The following YAF2 variants were observed in gnomAD, a reference collection of about 807,000 sequenced individuals.
YAF2 encodes the protein YY1-associated factor 2.
Under a neutral mutation model 20.1 loss-of-function variants are expected in YAF2, and 7 were observed. The ratio of observed to expected loss-of-function variants is 0.35; its 90% CI spans 0.20 to 0.65. The LOEUF (loss-of-function observed/expected upper bound fraction) is 0.65, where lower values mean the gene tolerates loss of function less well. YAF2 is among the 30% of genes least tolerant of loss of function. The pLI is 0.69. For synonymous variants in YAF2, 74 were observed against 76.0 expected, an observed-to-expected ratio of 0.97 and a Z score of 0.14; for missense variants, 151 against 219.2, an observed-to-expected ratio of 0.69 and a Z score of 1.96.
intron 2 of YAF2, among the ~76,000 whole-genome samples, chr12:42,179,524 C>A (rs1196443296): frequency 6.6e-6 from 1 of 152,134 alleles, no homozygotes; most frequent in Non-Finnish European, 1.5e-5. Context: ...CACATCAAAT[C>A]TGAAGGTCTA....
At chr12:42,161,319 T>C (rs1243725989) in intron 3 of YAF2, 2 of 277,988 alleles carry the variant, frequency 7.2e-6, no homozygotes, top group Non-Finnish European at 1.3e-5. Flanking sequence ...AAACCACTCC[T>C]GGTTCAAATA....
chr12:42,160,573 T>C lies in YAF2; in HGVS notation c.*16A>G, dbSNP rs1565591771. 3 of 1,595,386 alleles carry C rather than the reference T, an allele frequency of 1.9e-6. No homozygotes were observed. Among genetic ancestry groups the C allele is most frequent in the Non-Finnish European group, 1.7e-6 (2 of 1,164,658 alleles). Reference sequence around the variant, plus strand: ...TGGTAGGACAGAAGTGACTAAGAAATTGGAGAAAATAAACTTTAATGAGAT... The same window carrying C: ...TGGTAGGACAGAAGTGACTAAGAAACTGGAGAAAATAAACTTTAATGAGAT... On this transcript the variant is annotated 3_prime_UTR_variant, in exon 4 of 4. Coordinates refer to ENST00000534854, the MANE Select transcript of YAF2 (RefSeq NM_005748.6).
At chr12:42,210,322 A>T in intron 2 of YAF2, 1 of 1,440,006 alleles carries the variant, frequency 6.9e-7, no homozygotes, top group African/African-American at 1.4e-5. Context: ...GGGGGAAAAA[A>T]AATCTCAGGT....
At position 42,160,342 on chromosome 12, in the gene YAF2, A is replaced by G; in HGVS notation, c.*247T>C. 6.7e-6 allele frequency: 3 copies of G among 450,494 alleles called. No individual in the cohort carries two copies. The highest frequency in any genetic ancestry group is 3.2e-5 in the South Asian group (1 of 30,870). The allele number at this position is 450,494 out of a possible 1,614,324, so 27.9% of individuals were successfully genotyped here. A position where few individuals can be genotyped will look rare whatever the true frequency, so the allele number is the denominator to read the frequency against. ...AAAATACACTTACCAATAACACTGC[A>G]TAATGAATAATTCAACCACATTTTC... On this transcript the variant is annotated 3_prime_UTR_variant, in exon 4 of 4. Coordinates refer to ENST00000534854, the MANE Select transcript of YAF2 (RefSeq NM_005748.6).
At chr12:42,186,165 G>A (rs1377143694) in intron 2 of YAF2, among the ~76,000 whole-genome samples, 1 of 144,766 alleles carries the variant, frequency 6.9e-6, no homozygotes, top group African/African-American at 2.6e-5. Flanking sequence ...ACTCCAGCCT[G>A]GGCACCAGAG....
intron 2 of YAF2, among the ~76,000 whole-genome samples, chr12:42,214,428 T>C (rs545963723): frequency 6.6e-6 from 1 of 152,192 alleles, no homozygotes; most frequent in South Asian, 2.1e-4. Context: ...CATGCTACCA[T>C]GCCCGGCTAA....
intron 2 of YAF2, among the ~76,000 whole-genome samples, chr12:42,197,510 C>T (rs528183698): frequency 2.3e-4 from 35 of 152,286 alleles, no homozygotes; most frequent in African/African-American, 6.7e-4. Context: ...AACAGCTAAA[C>T]GCTGCACTAA....
intron 2 of YAF2, among the ~76,000 whole-genome samples, chr12:42,179,205 C>T (rs1178174285): frequency 6.6e-6 from 1 of 152,184 alleles, no homozygotes; most frequent in East Asian, 1.9e-4. Flanking sequence ...TGCATTGGCT[C>T]ACACCTGTAA....
chr12:42,197,087 G>A (rs1029408593), intron 2 of YAF2, among the ~76,000 whole-genome samples: 1 of 152,102 alleles, frequency 6.6e-6, no homozygotes, highest in Non-Finnish European at 1.5e-5. Context: ...GAATTTTTTC[G>A]AAAATTAGTG....
At chr12:42,228,119 G>A (rs1222819537) in intron 2 of YAF2, among the ~76,000 whole-genome samples, 8 of 75,162 alleles carry the variant, frequency 1.1e-4, no homozygotes, top group East Asian at 5.2e-4. Flanking sequence ...CCCTCTGCCC[G>A]GCCAGCCGCC....
At chr12:42,219,759 A>G (rs2067460693) in intron 2 of YAF2, among the ~76,000 whole-genome samples, 1 of 152,188 alleles carries the variant, frequency 6.6e-6, no homozygotes, top group African/African-American at 2.4e-5. Flanking sequence ...TCAAACTTTA[A>G]TGTGCATATA....
intron 2 of YAF2, among the ~76,000 whole-genome samples, chr12:42,186,233 C>A (rs1206815044): frequency 1.4e-5 from 2 of 147,182 alleles, no homozygotes; most frequent in Non-Finnish European, 3.0e-5. Flanking sequence ...GTGGCTCAGG[C>A]CTGTAATCCC....
chr12:42,201,414 T>A (rs1053629338), intron 2 of YAF2, among the ~76,000 whole-genome samples: 1 of 152,212 alleles, frequency 6.6e-6, no homozygotes, highest in Non-Finnish European at 1.5e-5. Flanking sequence ...TCCAATTCCA[T>A]TTCCTCTGCT....
intron 2 of YAF2, chr12:42,205,974 CTCT>C: frequency 2.9e-6 from 1 of 348,774 alleles, no homozygotes; most frequent in Non-Finnish European, 5.7e-6. Flanking sequence ...TTCTCCACTC[CTCT>C]GTGTATGCTC....
rs114426656 is a variant in YAF2, at chr12:42,180,580, C to T, written c.153-18815G>A. Among the ~76,000 whole-genome samples the T allele has an allele frequency of 8.6e-3, 1,310 of 152,242 alleles. 19 individuals carry two copies. Among genetic ancestry groups the T allele is most frequent in the African/African-American group, 0.03 (1,255 of 41,526 alleles). On this transcript the variant is annotated intron_variant, in intron 2 of 3. Coordinates refer to ENST00000534854, the MANE Select transcript of YAF2 (RefSeq NM_005748.6). ...ATAGAAATCTGTGAGATATAAATGT[C>T]GGTAAGTAGCTAAGTTCCGGGTAAT... is the stretch of plus-strand genomic sequence containing the variant.
Position 42,160,442 on chromosome 12 carries a change from A to G in YAF2, c.*147T>C, listed in dbSNP as rs977359307. 9 of 664,494 alleles carry G rather than the reference A, an allele frequency of 1.4e-5. No homozygotes were observed. In the African/African-American group the frequency reaches 1.6e-4, roughly 12 times the overall value. 41.2% of individuals were successfully genotyped at this position (664,494 alleles called of 1,614,324 possible). A position where few individuals can be genotyped will look rare whatever the true frequency, so the allele number is the denominator to read the frequency against. ...AGGCATCATTGCAATAAAATCTAAC[A>G]AATTCTAACAAATTTCTATTTTATG... On this transcript the variant is annotated 3_prime_UTR_variant, in exon 4 of 4. Transcript: ENST00000534854.
intron 2 of YAF2, among the ~76,000 whole-genome samples, chr12:42,203,600 TG>T (rs1486856762): frequency 2.6e-5 from 4 of 152,316 alleles, no homozygotes; most frequent in African/African-American, 9.6e-5. Flanking sequence ...AAAACTTTAA[TG>T]GGTATTGAGT....
intron 2 of YAF2, among the ~76,000 whole-genome samples, chr12:42,218,906 AG>A (rs1411343563): frequency 6.6e-6 from 1 of 152,110 alleles, no homozygotes; most frequent in Non-Finnish European, 1.5e-5. Context: ...GGAGAGAGAA[AG>A]GGCTTTCAAG....
intron 2 of YAF2, among the ~76,000 whole-genome samples, chr12:42,175,222 G>A (rs2066149232): frequency 6.6e-6 from 1 of 152,174 alleles, no homozygotes; most frequent in Non-Finnish European, 1.5e-5. Flanking sequence ...TGACACTCAA[G>A]AGGAGTTATG....
Sources: gnomAD v4.1 joint callset for allele counts (sites outside exome capture counted in the v4.1 genomes callset) on GRCh38, gnomAD v4.1.1 for gene constraint, MANE v1.5 for transcripts, NCBI Gene and HGNC (gene_info 2026-07-23, HGNC 2026-07-21) for gene names.